Variants in FAT3 observed in about 807,000 individuals in gnomAD.
The protein encoded by FAT3 is FAT atypical cadherin 3.
In FAT3, 95 loss-of-function variants were observed where a neutral mutation model predicts 310.2. The observed-to-expected ratio is 0.31, with a 90% CI of 0.26 to 0.36. The LOEUF (loss-of-function observed/expected upper bound fraction) is 0.36, where lower values mean the gene tolerates loss of function less well. Ranked by LOEUF, FAT3 falls within the 10% of genes least tolerant of loss-of-function variation. The pLI is 1.00. For synonymous variants in FAT3, 2,314 were observed against 2,192.9 expected, an observed-to-expected ratio of 1.06 and a Z score of -1.54; for missense variants, 5,408 against 5,715.6, an observed-to-expected ratio of 0.95 and a Z score of 1.74.
chr11:92,461,801 G>A lies in FAT3; in HGVS notation c.3293-62833G>A, dbSNP rs184594432. On this transcript the variant is annotated intron_variant, in intron 2 of 27. Transcript: ENST00000525166. ...TTAGATGTTCAAATAGGGGAATGAC[G>A]GTGTTTAGAAGACATCTCTGAGAAA... 9.5e-4 allele frequency among the ~76,000 whole-genome samples: 144 copies of A among 152,232 alleles called. 1 individual carries two copies. The highest frequency in any genetic ancestry group is 3.2e-3 in the African/African-American group (135 of 41,544).
chr11:92,351,545 C>G (rs1437466396), intron 1 of FAT3, among the ~76,000 whole-genome samples: 1 of 152,110 alleles, frequency 6.6e-6, no homozygotes, highest in Non-Finnish European at 1.5e-5. Context: ...AGCATTACAT[C>G]TTACTGCATC....
At position 92,894,812 on chromosome 11, in the gene FAT3, G is replaced by T. The variant is rs1949992561; in HGVS notation, c.*3699G>T. On this transcript the variant is annotated 3_prime_UTR_variant, in exon 28 of 28. Coordinates refer to ENST00000525166, the MANE Select transcript of FAT3 (RefSeq NM_001367949.2). ...TCCAATTAGGGAATAAATGTGAAAG[G>T]CTGGAAAGGGAACTAGTTTCTGGGA... 1.3e-5 allele frequency: 2 copies of T among 152,110 alleles called. No homozygotes were observed. The highest frequency in any genetic ancestry group is 1.3e-4 in the Admixed American group (2 of 15,270). The allele number at this position is 152,110 out of a possible 1,614,324, so 9.4% of individuals were successfully genotyped here.
chr11:92,482,598 A>G (rs1007720788), intron 2 of FAT3, among the ~76,000 whole-genome samples: 4 of 152,082 alleles, frequency 2.6e-5, no homozygotes, highest in African/African-American at 9.7e-5. Flanking sequence ...CAGCACCACA[A>G]TTAGAATTGC....
At position 92,353,417 on chromosome 11, in the gene FAT3, G is replaced by A. The variant is rs367566412; in HGVS notation, c.1305G>A (p.Leu435=). The A allele has an allele frequency of 1.9e-4, 301 of 1,613,380 alleles. No homozygotes were observed. Among genetic ancestry groups the A allele is most frequent in the Non-Finnish European group, 2.1e-4 (242 of 1,179,772 alleles). The change falls in exon 2 of 28, where the codon CTG becomes CTA. Residue 435 remains leucine, a synonymous_variant. Coordinates refer to ENST00000525166, the MANE Select transcript of FAT3 (RefSeq NM_001367949.2). ...RSGLIVTARP[L]NTVKKEVYKL... is the part of the protein sequence containing the mutation. ...GTCTGATTGTTACAGCACGGCCACT[G>A]AATACTGTTAAGAAGGAGGTTTATA...
In FAT3 at chr11:92,554,461, C is replaced by CAAAAAAAAA. The variant is rs56918849; in HGVS notation, c.3607+29542_3607+29550dup. ...TGGGCGAAAGAGTGAGACTCCATCT[C>CAAAAAAAAA]AAAAAAAAAAAAAAAAAAAAAAAAA... On this transcript the variant is annotated intron_variant, in intron 3 of 27. Transcript: ENST00000525166. 5.5e-5 allele frequency among the ~76,000 whole-genome samples: 3 copies of CAAAAAAAAA among 55,012 alleles called. 1 individual carries two copies. Among genetic ancestry groups the CAAAAAAAAA allele is most frequent in the East Asian group, 5.6e-4 (1 of 1,778 alleles). 36.1% of individuals were successfully genotyped at this position (55,012 alleles called of 152,430 possible).
At chr11:92,615,632 C>A (rs554137664) in intron 3 of FAT3, among the ~76,000 whole-genome samples, 80 of 152,338 alleles carry the variant, frequency 5.3e-4, no homozygotes, top group Admixed American at 2.7e-3. Context: ...AAATTTCCCT[C>A]TATGCACTGC....
At chr11:92,496,884 G>A (rs1952784424) in intron 2 of FAT3, among the ~76,000 whole-genome samples, 2 of 152,006 alleles carry the variant, frequency 1.3e-5, no homozygotes, top group Admixed American at 1.3e-4. Context: ...ACCTGGGAAA[G>A]GTTAAAGATT....
chr11:92,332,304 A>G (rs1210922139), intron 1 of FAT3, among the ~76,000 whole-genome samples: 1 of 152,208 alleles, frequency 6.6e-6, no homozygotes, highest in Non-Finnish European at 1.5e-5. Flanking sequence ...AATCATTAGA[A>G]TTGTTTCTGT....
At chr11:92,311,655 G>A (rs1196326310) in intron 1 of FAT3, among the ~76,000 whole-genome samples, 1 of 152,180 alleles carries the variant, frequency 6.6e-6, no homozygotes, top group African/African-American at 2.4e-5. Flanking sequence ...AGCAATCTGG[G>A]TGAAAGGAGG....
intron 4 of FAT3, among the ~76,000 whole-genome samples, chr11:92,715,123 T>G (rs2676169): frequency 6.6e-6 from 1 of 151,820 alleles, no homozygotes; most frequent in Non-Finnish European, 1.5e-5. Flanking sequence ...AAAATTAAAT[T>G]GGCCGGGTGC....
chr11:92,829,488 G>A (rs978974057), intron 13 of FAT3, among the ~76,000 whole-genome samples: 2 of 152,156 alleles, frequency 1.3e-5, no homozygotes, highest in African/African-American at 4.8e-5. Flanking sequence ...GCAGCTTCCG[G>A]GGCACACAAC....
In FAT3 at chr11:92,756,125, C is replaced by T. The variant is rs1945983743; in HGVS notation, c.3670-5731C>T. Among the ~76,000 whole-genome samples, 3 of 152,248 alleles carry T rather than the reference C, an allele frequency of 2.0e-5. No homozygotes were observed. In the South Asian group the frequency reaches 6.2e-4, roughly 32 times the overall value. On this transcript the variant is annotated intron_variant, in intron 4 of 27. Transcript: ENST00000525166. ...TAGGTAACGATAAAGTGTCAAGGAC[C>T]AATAAAGTAGTTGCCCCTTTTCCAT... is the stretch of plus-strand genomic sequence containing the variant.
intron 2 of FAT3, among the ~76,000 whole-genome samples, chr11:92,477,395 T>C: frequency 6.6e-6 from 1 of 152,230 alleles, no homozygotes. Context: ...TACAAAATGA[T>C]ATATGCAATC....
rs1036470545 is a variant in FAT3, at chr11:92,844,444, G to A, written c.11077G>A (p.Val3693Met). Residue 3693 changes from valine (V) to methionine (M), a missense_variant, in exon 19 of 28, where the codon GTG becomes ATG. Physicochemically the swap from Val to Met is conservative, Grantham distance 21. Transcript: ENST00000525166. ...DSLRIISIQP[V>M]AGTNQLDMLF... The stretch of plus-strand genomic sequence containing the variant: ...CCTGCGCATCATCAGCATCCAGCCC[G>A]TGGCAGGCACCAACCAACTGGACAT... 10 of 1,613,818 alleles carry A rather than the reference G, an allele frequency of 6.2e-6. No homozygotes were observed. The highest frequency in any genetic ancestry group is 2.7e-5 in the African/African-American group (2 of 74,934).
At chr11:92,497,508 C>T (rs374650682) in intron 2 of FAT3, among the ~76,000 whole-genome samples, 1 of 152,026 alleles carries the variant, frequency 6.6e-6, no homozygotes, top group African/African-American at 2.4e-5. Flanking sequence ...GTGTCATTCT[C>T]ATCTCCATCT....
At chr11:92,324,588 A>G (rs1947716982) in intron 1 of FAT3, among the ~76,000 whole-genome samples, 1 of 152,176 alleles carries the variant, frequency 6.6e-6, no homozygotes, top group Non-Finnish European at 1.5e-5. Flanking sequence ...AACATCAGAG[A>G]TCACTGATCA....
intron 2 of FAT3, among the ~76,000 whole-genome samples, chr11:92,374,328 T>C (rs1173740902): frequency 1.3e-5 from 2 of 152,240 alleles, no homozygotes; most frequent in African/African-American, 4.8e-5. Flanking sequence ...TCACACATTA[T>C]GCATGTTTTC....
At chr11:92,787,490 T>C (rs1373261195) in intron 7 of FAT3, among the ~76,000 whole-genome samples, 1 of 151,958 alleles carries the variant, frequency 6.6e-6, no homozygotes, top group African/African-American at 2.4e-5. Flanking sequence ...AGAAGAACTA[T>C]TCTAAGTGAC....
intron 3 of FAT3, among the ~76,000 whole-genome samples, chr11:92,590,669 C>G (rs1335932030): frequency 6.6e-6 from 1 of 152,110 alleles, no homozygotes; most frequent in African/African-American, 2.4e-5. Flanking sequence ...GAAAAATCCT[C>G]TACTTTGTAA....
Sources: gnomAD v4.1 joint callset for allele counts (sites outside exome capture counted in the v4.1 genomes callset) on GRCh38, gnomAD v4.1.1 for gene constraint, MANE v1.5 for transcripts, NCBI Gene and HGNC (gene_info 2026-07-23, HGNC 2026-07-21) for gene names.